Variants in ADAMTS6 observed in about 807,000 individuals in gnomAD.
ADAMTS6 encodes ADAM metallopeptidase with thrombospondin type 1 motif 6.
Under a neutral mutation model 144.3 loss-of-function variants are expected in ADAMTS6, and 23 were observed. The ratio of observed to expected loss-of-function variants is 0.16; its 90% CI spans 0.11 to 0.23. The LOEUF is 0.23. ADAMTS6 is among the 10% of genes least tolerant of loss of function. The probability of loss-of-function intolerance (pLI) is 1.00; values close to 1 mark genes in which losing one functional copy is unlikely to be tolerated. For synonymous variants in ADAMTS6, 444 were observed against 457.5 expected, an observed-to-expected ratio of 0.97 and a Z score of 0.38; for missense variants, 999 against 1,379.6, an observed-to-expected ratio of 0.72 and a Z score of 4.37.
chr5:65,161,762 C>G (rs1389389858), intron 24 of ADAMTS6, among the ~76,000 whole-genome samples: 1 of 152,130 alleles, frequency 6.6e-6, no homozygotes, highest in Non-Finnish European at 1.5e-5. Flanking sequence ...TAAATGCATT[C>G]CATATATGCT....
Position 65,481,405 on chromosome 5 carries a change from C to T in ADAMTS6, c.-342G>A, listed in dbSNP as rs1761192274. On this transcript the variant is annotated 5_prime_UTR_variant, in exon 1 of 25. Transcript: ENST00000381055. ...AGACAATAGAGATTGCACTGGACGA[C>T]TCACGTACTCCCTCTCCTCTCTAAC... The T allele has an allele frequency of 6.6e-6, 1 of 151,746 alleles. No homozygotes were observed. The highest frequency in any genetic ancestry group is 2.4e-5 in the African/African-American group (1 of 41,372). The allele number at this position is 151,746 out of a possible 1,614,324, so 9.4% of individuals were successfully genotyped here.
At chr5:65,265,354 A>T (rs930653667) in intron 12 of ADAMTS6, among the ~76,000 whole-genome samples, 2 of 152,104 alleles carry the variant, frequency 1.3e-5, no homozygotes, top group African/African-American at 4.8e-5. Flanking sequence ...GTTCCACTTG[A>T]AAACTTACGA....
chr5:65,432,976 C>A (rs1381155071), intron 7 of ADAMTS6, among the ~76,000 whole-genome samples: 1 of 151,852 alleles, frequency 6.6e-6, no homozygotes, highest in African/African-American at 2.4e-5. Flanking sequence ...TCCTATAATT[C>A]TTTACCCACT....
chr5:65,326,061 C>T (rs72760540), intron 9 of ADAMTS6, among the ~76,000 whole-genome samples: 7,135 of 151,982 alleles, frequency 0.047, 213 homozygotes, highest in East Asian at 0.11. Context: ...CATCATGTCA[C>T]TTCAGTCTCA....
intron 24 of ADAMTS6, among the ~76,000 whole-genome samples, chr5:65,152,418 C>T (rs545528208): frequency 8.5e-4 from 130 of 152,238 alleles, no homozygotes; most frequent in African/African-American, 2.9e-3. Context: ...ATCTGTGAGG[C>T]GTGGGGATGG....
rs541740672 is a variant in ADAMTS6 at position 65,372,235 on chromosome 5, A to G, written c.1074-38150T>C. On this transcript the variant is annotated intron_variant, in intron 7 of 24. Transcript: ENST00000381055. ...ATAACCAGCTAACATCATAATGACA[A>G]GATCAAATTCACACATAACAATATT... Among the ~76,000 whole-genome samples, 76 of 147,222 alleles carry G rather than the reference A, an allele frequency of 5.2e-4. 1 individual carries two copies. In the South Asian group the frequency reaches 9.3e-3, roughly 18 times the overall value.
chr5:65,162,620 TACACACACACACACACAC>T (rs10529076), intron 24 of ADAMTS6, among the ~76,000 whole-genome samples: 2 of 145,832 alleles, frequency 1.4e-5, no homozygotes, highest in Non-Finnish European at 3.0e-5. Context: ...TATAAGATAC[TACACACACACACACACAC>T]ACACACACAC....
Position 65,150,405 on chromosome 5 carries a change from C to A in ADAMTS6, c.*1431G>T, listed in dbSNP as rs1477077194. On this transcript the variant is annotated 3_prime_UTR_variant, in exon 25 of 25. Coordinates refer to ENST00000381055, the MANE Select transcript of ADAMTS6 (RefSeq NM_197941.4). The stretch of plus-strand genomic sequence containing the variant: ...TCTTGCTGTCGAGTCTTTTGATGAC[C>A]AGGATGTGAAACTTGAAGATGGGGA... 6.6e-6 allele frequency: 1 copy of A among 152,516 alleles called. No homozygotes were observed. The highest frequency in any genetic ancestry group is 1.5e-5 in the Non-Finnish European group (1 of 68,030). 9.4% of individuals were successfully genotyped at this position (152,516 alleles called of 1,614,324 possible). A position where few individuals can be genotyped will look rare whatever the true frequency, so the allele number is the denominator to read the frequency against.
chr5:65,404,508 G>T (rs1190746731), intron 7 of ADAMTS6, among the ~76,000 whole-genome samples: 1 of 152,150 alleles, frequency 6.6e-6, no homozygotes, highest in Non-Finnish European at 1.5e-5. Context: ...ATATTCCATG[G>T]TGTGTATGTG....
intron 7 of ADAMTS6, among the ~76,000 whole-genome samples, chr5:65,418,383 A>T (rs1289977986): frequency 1.3e-5 from 2 of 151,750 alleles, no homozygotes; most frequent in African/African-American, 4.9e-5. Context: ...TAGTTAAACT[A>T]ATGAGCTTTC....
At chr5:65,229,243 G>T (rs996697797) in intron 15 of ADAMTS6, among the ~76,000 whole-genome samples, 2 of 152,144 alleles carry the variant, frequency 1.3e-5, no homozygotes, top group South Asian at 2.1e-4. Context: ...GAGAATAAGA[G>T]GTGTGGAGTA....
At chr5:65,255,743 A>G (rs1012671515) in intron 14 of ADAMTS6, among the ~76,000 whole-genome samples, 4 of 151,988 alleles carry the variant, frequency 2.6e-5, no homozygotes, top group Non-Finnish European at 4.4e-5. Context: ...TAATTTTTAA[A>G]TGATTAAAAA....
intron 1 of ADAMTS6, among the ~76,000 whole-genome samples, chr5:65,474,547 C>A (rs1389495640): frequency 6.6e-6 from 1 of 151,980 alleles, no homozygotes; most frequent in Non-Finnish European, 1.5e-5. Context: ...TATAAGGCAA[C>A]TCGTGAGTCA....
intron 7 of ADAMTS6, among the ~76,000 whole-genome samples, chr5:65,405,572 G>A (rs1168050797): frequency 6.6e-6 from 1 of 152,180 alleles, no homozygotes; most frequent in Non-Finnish European, 1.5e-5. Context: ...TTTGAAGTCA[G>A]GTAGTGTGAT....
rs1561569095 is a variant in ADAMTS6 at position 65,466,277 on chromosome 5, T to C, written c.462+4501A>G. On this transcript the variant is annotated intron_variant, in intron 3 of 24. Transcript: ENST00000381055. ...TTCCATTATTCTCCCTCCCTTTCTCTTGGCTACAGCCACGTGACCTCCATG... is the reference window on the plus strand; with the variant it reads ...TTCCATTATTCTCCCTCCCTTTCTCCTGGCTACAGCCACGTGACCTCCATG... 2.6e-5 allele frequency among the ~76,000 whole-genome samples: 4 copies of C among 152,198 alleles called. No homozygotes were observed. The South Asian group carries it at 6.2e-4, about 24-fold the overall frequency.
At chr5:65,163,047 C>T (rs141762252) in intron 24 of ADAMTS6, among the ~76,000 whole-genome samples, 25 of 152,206 alleles carry the variant, frequency 1.6e-4, no homozygotes, top group Non-Finnish European at 2.9e-4. Context: ...GGAGCTATGA[C>T]TACAGCCACA....
intron 18 of ADAMTS6, among the ~76,000 whole-genome samples, chr5:65,223,784 A>G (rs950011862): frequency 6.1e-5 from 9 of 147,864 alleles, no homozygotes; most frequent in African/African-American, 2.0e-4. Context: ...GAGTGTAGAT[A>G]TCTCTTTGAG....
intron 14 of ADAMTS6, among the ~76,000 whole-genome samples, chr5:65,254,869 C>G (rs1464389597): frequency 1.3e-5 from 2 of 152,138 alleles, no homozygotes; most frequent in African/African-American, 4.8e-5. Context: ...TCACTACTGA[C>G]AAGAAGGAGG....
At chr5:65,405,848 A>G (rs997293733) in intron 7 of ADAMTS6, among the ~76,000 whole-genome samples, 1 of 152,048 alleles carries the variant, frequency 6.6e-6, no homozygotes, top group Non-Finnish European at 1.5e-5. Flanking sequence ...GTACTCCTTG[A>G]AGAGGTCGTT....
Sources: allele counts gnomAD v4.1 joint callset (sites outside exome capture counted in the v4.1 genomes callset), GRCh38; gene constraint gnomAD v4.1.1; transcripts MANE v1.5; gene names NCBI Gene and HGNC (gene_info 2026-07-23, HGNC 2026-07-21).